SIK3: variants seen among roughly 807,000 people sequenced by gnomAD.
SIK3 encodes the protein SIK family kinase 3, also known as serine/threonine-protein kinase SIK3.
SIK3 carries 28 observed loss-of-function variants against 144.2 expected under a neutral mutation model. The observed-to-expected ratio is 0.19, with a 90% CI of 0.14 to 0.27. The LOEUF (loss-of-function observed/expected upper bound fraction) is 0.27. Among genes scored for constraint, SIK3 ranks in the 10% least tolerant of loss-of-function variants. The probability of loss-of-function intolerance (pLI) is 1.00; values close to 1 mark genes in which losing one functional copy is unlikely to be tolerated. For synonymous variants in SIK3, 686 were observed against 676.3 expected (o/e 1.01, Z -0.22); for missense variants, 1,319 against 1,776.0 (o/e 0.74, Z 4.62).
At chr11:116,954,009 A>G (rs1287058423) in intron 3 of SIK3, 35 bp downstream of exon 3, 1 of 1,578,858 alleles carries the variant, frequency 6.3e-7, no homozygotes, top group Non-Finnish European at 8.7e-7. Flanking sequence ...TAGTGTGCTC[A>G]ATAGCTGTTT....
chr11:116,966,155 C>A (rs1300366513), intron 1 of SIK3, among the ~76,000 whole-genome samples: 1 of 152,048 alleles, frequency 6.6e-6, no homozygotes, highest in Admixed American at 6.6e-5. Context: ...CAAAATAGGC[C>A]GGCCTGGTGG....
chr11:117,088,077 A>T (rs540278876), intron 1 of SIK3, among the ~76,000 whole-genome samples: 102 of 152,082 alleles, frequency 6.7e-4, no homozygotes, highest in Admixed American at 2.9e-3. Flanking sequence ...TAAAAATAAA[A>T]TTTTTTAAAA....
chr11:117,002,579 A>C (rs927891379), intron 1 of SIK3, among the ~76,000 whole-genome samples: 2 of 151,980 alleles, frequency 1.3e-5, no homozygotes, highest in Admixed American at 6.5e-5. Flanking sequence ...ATAGCTCCTC[A>C]TTCTACACAA....
At chr11:116,978,137 G>C (rs1423728823) in intron 1 of SIK3, among the ~76,000 whole-genome samples, 1 of 152,000 alleles carries the variant, frequency 6.6e-6, no homozygotes, top group African/African-American at 2.4e-5. Context: ...AGAATTGCTT[G>C]AACCGGGGAG....
At chr11:117,042,264 A>G (rs1188478003) in intron 1 of SIK3, among the ~76,000 whole-genome samples, 1 of 152,186 alleles carries the variant, frequency 6.6e-6, no homozygotes, top group African/African-American at 2.4e-5. Context: ...TGGAAGTTAA[A>G]ACCTATTTGC....
chr11:116,897,090 T>G, intron 5 of SIK3, 103 bp downstream of exon 5: 2 of 1,140,968 alleles, frequency 1.8e-6, no homozygotes, highest in Non-Finnish European at 1.2e-6. Context: ...GTGACCAGGA[T>G]CTCAATTCAT....
chr11:117,000,597 C>T (rs1025580011), intron 1 of SIK3, among the ~76,000 whole-genome samples: 2 of 152,120 alleles, frequency 1.3e-5, no homozygotes, highest in African/African-American at 4.8e-5. Flanking sequence ...AACATTAGAT[C>T]CCATCAAATT....
rs547855672 is a variant in SIK3 at position 116,959,743 on chromosome 11, C to T, written c.274-2679G>A. ...TGGCTCCCAGTCAGCCACACAATCA[C>T]GTGGGTAGATAACAATAGAGTGAAT... On this transcript the variant is annotated intron_variant, in intron 1 of 24. Coordinates refer to ENST00000445177, the MANE Select transcript of SIK3 (RefSeq NM_001366686.3). Among the ~76,000 whole-genome samples the T allele has an allele frequency of 1.3e-4, 20 of 152,174 alleles. No homozygotes were observed. The East Asian group carries it at 2.9e-3, about 22-fold the overall frequency.
At chr11:116,883,877 T>C (rs1944673185) in intron 6 of SIK3, among the ~76,000 whole-genome samples, 1 of 151,872 alleles carries the variant, frequency 6.6e-6, no homozygotes, top group Non-Finnish European at 1.5e-5. Flanking sequence ...GAGGTTGCAG[T>C]GAGCCGAGAT....
intron 1 of SIK3, among the ~76,000 whole-genome samples, chr11:116,996,743 T>G (rs1259778170): frequency 1.5e-5 from 2 of 136,630 alleles, no homozygotes; most frequent in African/African-American, 5.6e-5. Context: ...TCGCTTGAAC[T>G]CGGGAGGCGG....
chr11:116,896,772 T>C lies in SIK3; in HGVS notation c.742-396A>G, dbSNP rs186348371. On this transcript the variant is annotated intron_variant, in intron 5 of 24. Coordinates refer to ENST00000445177, the MANE Select transcript of SIK3 (RefSeq NM_001366686.3). ...CGGGTGCAGTGGCTCATGCCTATAA[T>C]CCCAGCATTTTGGGAGGCCAAGGCG... 1.6e-4 allele frequency among the ~76,000 whole-genome samples: 24 copies of C among 152,274 alleles called. 1 individual carries two copies. The East Asian group carries it at 4.4e-3, about 28-fold the overall frequency.
At chr11:116,980,686 C>T (rs1950109779) in intron 1 of SIK3, among the ~76,000 whole-genome samples, 1 of 152,034 alleles carries the variant, frequency 6.6e-6, no homozygotes, top group African/African-American at 2.4e-5. Flanking sequence ...AACCCTGTCT[C>T]TACTAAAAAT....
At chr11:116,908,783 G>A (rs10790166) in intron 4 of SIK3, among the ~76,000 whole-genome samples, 92,000 of 151,984 alleles carry the variant, frequency 0.61, 31,005 homozygotes, top group East Asian at 0.75. Flanking sequence ...GCACTGGAGA[G>A]GACATGGAGC....
At chr11:116,896,795 G>A (rs1432278415) in intron 5 of SIK3, among the ~76,000 whole-genome samples, 1 of 152,184 alleles carries the variant, frequency 6.6e-6, no homozygotes, top group Non-Finnish European at 1.5e-5. Flanking sequence ...GGAGGCCAAG[G>A]CGGGAGGATC....
chr11:117,034,126 A>T (rs1273393716), intron 1 of SIK3, among the ~76,000 whole-genome samples: 1 of 152,240 alleles, frequency 6.6e-6, no homozygotes, highest in African/African-American at 2.4e-5. Context: ...ATTCAAAGAA[A>T]ACTTAAATCT....
At chr11:117,038,557 A>G (rs1011723737) in intron 1 of SIK3, among the ~76,000 whole-genome samples, 28 of 151,710 alleles carry the variant, frequency 1.8e-4, no homozygotes, top group Non-Finnish European at 3.1e-4. Flanking sequence ...AGGTTTCACC[A>G]TGTTGGCCAG....
intron 6 of SIK3, among the ~76,000 whole-genome samples, chr11:116,883,105 T>C (rs1229511636): frequency 6.6e-6 from 1 of 152,190 alleles, no homozygotes. Flanking sequence ...GGAGAAGTGA[T>C]GCTATTATAG....
chr11:116,847,400 G>A, intron 23 of SIK3, 76 bp downstream of exon 23: 2 of 1,593,716 alleles, frequency 1.3e-6, no homozygotes, highest in Non-Finnish European at 8.6e-7. Context: ...CCTACGAAGA[G>A]AGGAGCAGTT....
chr11:116,984,419 T>A (rs1950257105), intron 1 of SIK3, among the ~76,000 whole-genome samples: 1 of 152,200 alleles, frequency 6.6e-6, no homozygotes. Flanking sequence ...AATTCCTCAA[T>A]GCAATTTACC....
Sources: allele counts gnomAD v4.1 joint callset (sites outside exome capture counted in the v4.1 genomes callset), GRCh38; gene constraint gnomAD v4.1.1; transcripts MANE v1.5; gene names NCBI Gene and HGNC (gene_info 2026-07-23, HGNC 2026-07-21).